Variants in PUF60 observed in about 807,000 individuals in gnomAD.
PUF60 encodes the protein poly(U)-binding-splicing factor PUF60.
Under a neutral mutation model 61.8 loss-of-function variants are expected in PUF60, and 10 were observed. The ratio of observed to expected loss-of-function variants is 0.16; its 90% CI spans 0.10 to 0.27. The LOEUF (loss-of-function observed/expected upper bound fraction) is 0.27. PUF60 is among the 10% of genes least tolerant of loss of function. PUF60 has a pLI of 1.00. For synonymous variants in PUF60, 353 were observed against 300.9 expected (o/e 1.17, Z -1.79); for missense variants, 371 against 754.0 (o/e 0.49, Z 5.95).
chr8:143,818,544 G>A lies in PUF60; in HGVS notation c.349-10C>T, dbSNP rs772221323. On this transcript the variant is annotated splice_polypyrimidine_tract_variant and intron_variant, in intron 5 of 11. Transcript: ENST00000526683. This position sits in a 1 kb window ranked among gnomAD's most constrained non-coding sequence, Gnocchi z 7.9. ...GCCGCTGAGCCGCCATCTGCAGCAGGACAGAGGGGAGAGAACCGCTGGCTC... is the reference window on the plus strand; with the variant it reads ...GCCGCTGAGCCGCCATCTGCAGCAGAACAGAGGGGAGAGAACCGCTGGCTC... 1.9e-6 allele frequency: 3 copies of A among 1,576,316 alleles called. No individual in the cohort carries two copies. Among genetic ancestry groups the A allele is most frequent in the South Asian group, 2.3e-5 (2 of 86,716 alleles).
intron 2 of PUF60, among the ~76,000 whole-genome samples, chr8:143,822,307 C>T (rs1030246211): frequency 6.6e-6 from 1 of 152,192 alleles, no homozygotes; most frequent in African/African-American, 2.4e-5. Flanking sequence ...AAAAGGGCCA[C>T]GGCTCTCTGG....
intron 1 of PUF60, chr8:143,827,336 G>C (rs1817742113): frequency 4.4e-6 from 2 of 455,832 alleles, no homozygotes; most frequent in Admixed American, 2.4e-5. Context: ...TGTCAGTGAA[G>C]AGAACGGAGC....
intron 1 of PUF60, chr8:143,826,947 G>A (rs1203424239): frequency 5.2e-6 from 1 of 192,892 alleles, no homozygotes; most frequent in Non-Finnish European, 1.1e-5. Context: ...ACAACATCCA[G>A]TGTCAGATAC....
intron 5 of PUF60, among the ~76,000 whole-genome samples, chr8:143,819,834 G>A (rs942432673): frequency 2.0e-5 from 3 of 152,064 alleles, no homozygotes; most frequent in Non-Finnish European, 4.4e-5. Context: ...TCAGTGTGGG[G>A]CCCCACCCCC....
At chr8:143,826,324 A>T (rs6558395) in intron 1 of PUF60, among the ~76,000 whole-genome samples, 1 of 152,170 alleles carries the variant, frequency 6.6e-6, no homozygotes, top group Non-Finnish European at 1.5e-5. Context: ...GGTGGCTCAC[A>T]CCTGTAACTC....
intron 5 of PUF60, among the ~76,000 whole-genome samples, chr8:143,819,407 C>T (rs1816757438): frequency 6.6e-6 from 1 of 152,046 alleles, no homozygotes; most frequent in Admixed American, 6.5e-5. Context: ...ACTTCCAGAG[C>T]CACACGCAGT....
chr8:143,817,579 T>C lies in PUF60; in HGVS notation c.1008+13A>G, dbSNP rs201405150. 1.9e-5 allele frequency: 31 copies of C among 1,610,830 alleles called. No individual in the cohort carries two copies. The Admixed American group carries it at 4.0e-4, about 21-fold the overall frequency. On this transcript the variant is annotated intron_variant, in intron 9 of 11. Coordinates refer to ENST00000526683, the MANE Select transcript of PUF60 (RefSeq NM_078480.3). The surrounding 1 kb of genome is among the most constrained non-coding windows in gnomAD (Gnocchi z 7.4). ...CCGCCCACCCTCAAGCCGACAGCTG[T>C]GTGGGCCCTCACCTGAGCTGTGATC...
rs773052944 is a variant in PUF60 at position 143,816,512 on chromosome 8, G to T, written c.*8C>A. On this transcript the variant is annotated 3_prime_UTR_variant, in exon 12 of 12. Transcript: ENST00000526683. ...GAACAAGTGCAAGTCCGGGGAGAGG[G>T]ACCACTGTCACGCAGAGAGGTCACT... is the stretch of plus-strand genomic sequence containing the variant. 6.2e-7 allele frequency: 1 copy of T among 1,600,488 alleles called. No homozygotes were observed. Among genetic ancestry groups the T allele is most frequent in the South Asian group, 1.1e-5 (1 of 89,422 alleles).
chr8:143,820,520 C>T, intron 5 of PUF60, 146 bp downstream of exon 5: 1 of 946,974 alleles, frequency 1.1e-6, no homozygotes, highest in Non-Finnish European at 1.7e-6. Flanking sequence ...ACTGGCCCCA[C>T]CACGCCTGGC....
rs1037869423 is a variant in PUF60, at chr8:143,818,433, G to T, written c.450C>A (p.Ala150=). ...CGATGCTCTTGATGGGGCCAAAGGG[G>T]GCAAAGGCCTGGCGGATGGTGTCCT... ...LGEDTIRQAF[A]PFGPIKSIDM... The change falls in exon 6 of 12, where the codon GCC becomes GCA. Residue 150 remains alanine (A), a synonymous_variant. Transcript: ENST00000526683. The surrounding 1 kb of genome is among the most constrained non-coding windows in gnomAD (Gnocchi z 7.9). 6.2e-7 allele frequency: 1 copy of T among 1,612,454 alleles called. No individual in the cohort carries two copies. Among genetic ancestry groups the T allele is most frequent in the South Asian group, 1.1e-5 (1 of 90,982 alleles).
At chr8:143,827,769 C>T (rs1007279091) in intron 1 of PUF60, among the ~76,000 whole-genome samples, 2 of 152,232 alleles carry the variant, frequency 1.3e-5, no homozygotes, top group Non-Finnish European at 2.9e-5. Context: ...ACAGACAACC[C>T]GTTCGTGGGG....
rs760342610 is a variant in PUF60, at chr8:143,818,720, AG to A, written c.349-187del. The A allele has an allele frequency of 1.5e-5, 10 of 653,268 alleles. No homozygotes were observed. Among genetic ancestry groups the A allele is most frequent in the Non-Finnish European group, 2.3e-5 (9 of 391,464 alleles). The allele number at this position is 653,268 out of a possible 1,614,324, so 40.5% of individuals were successfully genotyped here. A position where few individuals can be genotyped will look rare whatever the true frequency, so the allele number is the denominator to read the frequency against. ...GTCGCAGGACCCCGCCACCCAAAGA[AG>A]GAAGGCCAGGCCCAGCGGCAGGACA... On this transcript the variant is annotated intron_variant, in intron 5 of 11. Coordinates refer to ENST00000526683, the MANE Select transcript of PUF60 (RefSeq NM_078480.3). This position sits in a 1 kb window ranked among gnomAD's most constrained non-coding sequence, Gnocchi z 7.9.
chr8:143,828,740 G>A (rs866202088), intron 1 of PUF60, among the ~76,000 whole-genome samples: 2 of 152,194 alleles, frequency 1.3e-5, no homozygotes, highest in African/African-American at 4.8e-5. Context: ...CTTTCCACGT[G>A]GAGACAAGAG....
rs768825068 is a variant in PUF60 at position 143,818,351 on chromosome 8, G to A, written c.510+22C>T. On this transcript the variant is annotated intron_variant, in intron 6 of 11. Transcript: ENST00000526683. This position sits in a 1 kb window ranked among gnomAD's most constrained non-coding sequence, Gnocchi z 7.9. ...GGGTGGGGGCGAGCCCGAAGTGGCC[G>A]GGGCGGACCAAGCCTGCTGACCTTG... 32 of 1,611,056 alleles carry A rather than the reference G, an allele frequency of 2.0e-5. No homozygotes were observed. The highest frequency in any genetic ancestry group is 5.5e-5 in the South Asian group (5 of 90,966).
chr8:143,824,268 GGGCA>G lies in PUF60; in HGVS notation c.111+41_111+44del, dbSNP rs762748269. 400 of 1,463,586 alleles carry G rather than the reference GGGCA, an allele frequency of 2.7e-4. 4 individuals carry two copies. Among genetic ancestry groups the G allele is most frequent in the East Asian group, 1.5e-3 (53 of 35,710 alleles). 90.7% of individuals were successfully genotyped at this position (1,463,586 alleles called of 1,614,324 possible). ...CGCACAGGCAGGCGGGCGGGCGGGCGGGCAGGCGGGCGGGCCTGAGGGAGAGGAT... is the reference window on the plus strand; with the variant it reads ...CGCACAGGCAGGCGGGCGGGCGGGCGGGCGGGCGGGCCTGAGGGAGAGGAT... On this transcript the variant is annotated intron_variant, in intron 2 of 11. Transcript: ENST00000526683.
chr8:143,825,468 A>C (rs965407775), intron 1 of PUF60, among the ~76,000 whole-genome samples: 4 of 151,774 alleles, frequency 2.6e-5, no homozygotes, highest in African/African-American at 9.7e-5. Context: ...CACCCCGGAG[A>C]GAGTGAAAGG....
chr8:143,827,555 G>A (rs1276500145), intron 1 of PUF60: 2 of 429,078 alleles, frequency 4.7e-6, no homozygotes, highest in South Asian at 1.6e-5. Context: ...GCATGAGACA[G>A]GGGACAGGCT....
Position 143,816,361 on chromosome 8 carries a change from G to C in PUF60, c.*159C>G. The C allele has an allele frequency of 1.3e-6, 1 of 797,816 alleles. No individual in the cohort carries two copies. The highest frequency in any genetic ancestry group is 2.9e-5 in the Admixed American group (1 of 34,224). 49.4% of individuals were successfully genotyped at this position (797,816 alleles called of 1,614,324 possible). A position where few individuals can be genotyped will look rare whatever the true frequency, so the allele number is the denominator to read the frequency against. On this transcript the variant is annotated 3_prime_UTR_variant, in exon 12 of 12. Coordinates refer to ENST00000526683, the MANE Select transcript of PUF60 (RefSeq NM_078480.3). ...GCCCAGGATCGGTGACAGGACCGACGGCAGACACACGGACGTTCAGGGCCA... is the reference window on the plus strand; with the variant it reads ...GCCCAGGATCGGTGACAGGACCGACCGCAGACACACGGACGTTCAGGGCCA...
In PUF60 at chr8:143,817,519, A is replaced by C. The variant is rs1331057213; in HGVS notation, c.1009-53T>G. 6.2e-7 allele frequency: 1 copy of C among 1,607,666 alleles called. No individual in the cohort carries two copies. The highest frequency in any genetic ancestry group is 8.5e-7 in the Non-Finnish European group (1 of 1,178,852). On this transcript the variant is annotated intron_variant, in intron 9 of 11. Transcript: ENST00000526683. The surrounding 1 kb of genome is among the most constrained non-coding windows in gnomAD (Gnocchi z 7.4). Reference sequence around the variant, plus strand: ...GTCCCTGGTCTGGCTACTCAAGACCACCTTGAATCAGTCTCCAAGGAATCA... The same window carrying C: ...GTCCCTGGTCTGGCTACTCAAGACCCCCTTGAATCAGTCTCCAAGGAATCA...
Sources: allele counts gnomAD v4.1 joint callset (sites outside exome capture counted in the v4.1 genomes callset), GRCh38; gene constraint gnomAD v4.1.1; non-coding constraint Gnocchi (gnomAD v3.1); transcripts MANE v1.5; gene names NCBI Gene and HGNC (gene_info 2026-07-23, HGNC 2026-07-21).